Variants in STPG2 observed in about 807,000 individuals in gnomAD.
STPG2 encodes sperm tail PG-rich repeat containing 2, also known as sperm-tail PG-rich repeat-containing protein 2.
Under a neutral mutation model 54.2 loss-of-function variants are expected in STPG2, and 56 were observed. The ratio of observed to expected loss-of-function variants is 1.03; its 90% CI spans 0.83 to 1.29. The LOEUF is 1.29. Ranked by LOEUF, STPG2 falls within the 50% of genes most tolerant of loss-of-function variation. The probability of loss-of-function intolerance (pLI) is 0.00; values close to 1 mark genes in which losing one functional copy is unlikely to be tolerated. For synonymous variants in STPG2, 200 were observed against 181.8 expected (o/e 1.10, Z -0.81); for missense variants, 596 against 544.9 (o/e 1.09, Z -0.93).
chr4:98,054,925 A>C (rs1356791673), intron 5 of STPG2, among the ~76,000 whole-genome samples: 1 of 152,200 alleles, frequency 6.6e-6, no homozygotes, highest in East Asian at 1.9e-4. Flanking sequence ...TCCTACATTA[A>C]GTGTATAGCA....
intron 9 of STPG2, among the ~76,000 whole-genome samples, chr4:97,822,234 G>C (rs1218741207): frequency 1.3e-5 from 2 of 152,182 alleles, no homozygotes; most frequent in Non-Finnish European, 2.9e-5. Context: ...ATACAGACAA[G>C]TTATTTGCTA....
intron 10 of STPG2, among the ~76,000 whole-genome samples, chr4:97,614,965 T>C (rs2148918202): frequency 6.6e-6 from 1 of 152,264 alleles, no homozygotes; most frequent in South Asian, 2.1e-4. Context: ...CCTTGCAAAT[T>C]GATGTGAATA....
At chr4:97,773,750 A>T (rs1430409097) in intron 9 of STPG2, among the ~76,000 whole-genome samples, 1 of 152,248 alleles carries the variant, frequency 6.6e-6, no homozygotes, top group Non-Finnish European at 1.5e-5. Flanking sequence ...AATATTAAGC[A>T]TTGCAAGGTG....
At chr4:97,467,332 C>T (rs1729811350) in intron 4 of STPG2, among the ~76,000 whole-genome samples, 1 of 151,458 alleles carries the variant, frequency 6.6e-6, no homozygotes, top group Non-Finnish European at 1.5e-5. Flanking sequence ...GGGTAAAAAG[C>T]ATATAAATTC....
chr4:97,554,768 G>T (rs1732041498), downstream of STPG2, among the ~76,000 whole-genome samples: 1 of 152,064 alleles, frequency 6.6e-6, no homozygotes, highest in African/African-American at 2.4e-5. Flanking sequence ...TAATGATTTT[G>T]TCACTTTTGC....
chr4:97,563,320 G>T (rs1732314548), intron 10 of STPG2, among the ~76,000 whole-genome samples: 1 of 149,466 alleles, frequency 6.7e-6, no homozygotes, highest in Non-Finnish European at 1.5e-5. Flanking sequence ...GCGTCTATTT[G>T]ATTCTTCTGT....
chr4:97,934,464 T>C (rs1459596005), intron 8 of STPG2, among the ~76,000 whole-genome samples: 1 of 152,196 alleles, frequency 6.6e-6, no homozygotes, highest in Admixed American at 6.5e-5. Flanking sequence ...TGCTTCCAGC[T>C]TTTTCCCACT....
chr4:97,548,457 G>C (rs1273536533), intron 4 of STPG2, among the ~76,000 whole-genome samples: 4 of 152,172 alleles, frequency 2.6e-5, no homozygotes, highest in Non-Finnish European at 5.9e-5. Flanking sequence ...AGCTCCATCA[G>C]TCAGTTATTT....
chr4:97,607,504 A>G (rs1490939389), intron 10 of STPG2, among the ~76,000 whole-genome samples: 2 of 152,050 alleles, frequency 1.3e-5, no homozygotes, highest in Non-Finnish European at 2.9e-5. Context: ...TCACTGTTCT[A>G]TAAATCCCTC....
chr4:97,503,625 T>C (rs1180361156), intron 4 of STPG2, among the ~76,000 whole-genome samples: 1 of 151,398 alleles, frequency 6.6e-6, no homozygotes, highest in Non-Finnish European at 1.5e-5. Flanking sequence ...AATTTGTAAT[T>C]CTGATTTTTA....
At chr4:97,795,391 T>C (rs1204076220) in intron 9 of STPG2, among the ~76,000 whole-genome samples, 2 of 152,132 alleles carry the variant, frequency 1.3e-5, no homozygotes, top group Admixed American at 1.3e-4. Context: ...GTTACCCTTC[T>C]GGTGTCCAAG....
At chr4:97,756,011 C>T (rs1372237281) in intron 9 of STPG2, among the ~76,000 whole-genome samples, 1 of 152,084 alleles carries the variant, frequency 6.6e-6, no homozygotes, top group Non-Finnish European at 1.5e-5. Flanking sequence ...CCGATTGGAC[C>T]AATCAAAATT....
chr4:98,074,071 G>C (rs759277924), intron 5 of STPG2, among the ~76,000 whole-genome samples: 1 of 152,038 alleles, frequency 6.6e-6, no homozygotes, highest in Non-Finnish European at 1.5e-5. Flanking sequence ...TTCAGTTCCC[G>C]CTGAAAACAA....
chr4:97,812,523 T>C (rs1222610275), intron 9 of STPG2, among the ~76,000 whole-genome samples: 1 of 152,160 alleles, frequency 6.6e-6, no homozygotes, highest in African/African-American at 2.4e-5. Context: ...ATTGAAATAA[T>C]TTGAACATGT....
At chr4:97,763,521 A>G (rs1725950175) in intron 9 of STPG2, among the ~76,000 whole-genome samples, 1 of 152,190 alleles carries the variant, frequency 6.6e-6, no homozygotes, top group African/African-American at 2.4e-5. Context: ...ACATGTAACT[A>G]AGGCAAATAG....
chr4:97,900,189 T>C (rs980280450), intron 8 of STPG2, among the ~76,000 whole-genome samples: 2 of 152,120 alleles, frequency 1.3e-5, no homozygotes, highest in Non-Finnish European at 2.9e-5. Flanking sequence ...ATATCACTAA[T>C]AATTATACAA....
intron 3 of STPG2, among the ~76,000 whole-genome samples, chr4:98,116,513 T>C (rs1386145306): frequency 6.6e-6 from 1 of 151,906 alleles, no homozygotes; most frequent in African/African-American, 2.4e-5. Context: ...ATTACACTTC[T>C]TTGCATAACT....
At chr4:98,000,965 T>G (rs1735394965) in intron 5 of STPG2, among the ~76,000 whole-genome samples, 1 of 152,152 alleles carries the variant, frequency 6.6e-6, no homozygotes, top group Admixed American at 6.6e-5. Flanking sequence ...GCTGCTAGGT[T>G]TTACTGTATA....
intron 5 of STPG2, among the ~76,000 whole-genome samples, chr4:98,087,244 AAG>A (rs1478011759): frequency 6.6e-6 from 1 of 152,102 alleles, no homozygotes; most frequent in Non-Finnish European, 1.5e-5. Context: ...TTTGAACAAC[AAG>A]AGAGTTCTGT....
Sources: gnomAD v4.1 joint callset for allele counts (sites outside exome capture counted in the v4.1 genomes callset) on GRCh38, gnomAD v4.1.1 for gene constraint, MANE v1.5 for transcripts, NCBI Gene and HGNC (gene_info 2026-07-23, HGNC 2026-07-21) for gene names.